The following SLC2A13 variants were observed in gnomAD, a reference collection of about 807,000 sequenced individuals.
The protein encoded by SLC2A13 is solute carrier family 2 member 13, also known as proton myo-inositol cotransporter.
SLC2A13 carries 32 observed loss-of-function variants against 64.4 expected under a neutral mutation model. The ratio of observed to expected loss-of-function variants is 0.50; its 90% CI spans 0.37 to 0.67. The LOEUF (loss-of-function observed/expected upper bound fraction) is 0.67. SLC2A13 is among the 30% of genes least tolerant of loss of function. The pLI, the probability that SLC2A13 is intolerant of heterozygous loss-of-function variation, is 0.00. For missense variants in SLC2A13, 743 were observed against 829.2 expected (o/e 0.90, Z 1.28); for synonymous variants, 338 against 327.1 (o/e 1.03, Z -0.36).
At chr12:39,922,635 T>C (rs1344656098) in intron 4 of SLC2A13, among the ~76,000 whole-genome samples, 3 of 152,204 alleles carry the variant, frequency 2.0e-5, no homozygotes, top group Non-Finnish European at 4.4e-5. Context: ...ACTTATACAA[T>C]ACAATGACTT....
intron 7 of SLC2A13, among the ~76,000 whole-genome samples, chr12:39,781,063 T>A (rs894743067): frequency 5.3e-5 from 8 of 152,220 alleles, no homozygotes; most frequent in Admixed American, 3.9e-4. Flanking sequence ...CATAATAGCT[T>A]CACAGATTAA....
At chr12:40,103,543 G>A (rs1939210454) in intron 1 of SLC2A13, among the ~76,000 whole-genome samples, 1 of 152,120 alleles carries the variant, frequency 6.6e-6, no homozygotes, top group Non-Finnish European at 1.5e-5. Context: ...CAATTCGCAG[G>A]TCAGATAAAA....
intron 6 of SLC2A13, among the ~76,000 whole-genome samples, chr12:39,832,847 A>T (rs948693868): frequency 5.3e-5 from 8 of 152,054 alleles, no homozygotes; most frequent in African/African-American, 1.7e-4. Flanking sequence ...GAATGCAAAC[A>T]TTTGCCTTAT....
chr12:40,088,440 C>CT (rs140320887), intron 1 of SLC2A13, among the ~76,000 whole-genome samples: 203 of 151,984 alleles, frequency 1.3e-3, no homozygotes, highest in Non-Finnish European at 1.6e-3. Context: ...TTCAAAAGAC[C>CT]TTTTTTTTAC....
Position 40,066,480 on chromosome 12 carries a change from T to C in SLC2A13, c.557-18270A>G, listed in dbSNP as rs17489365. The stretch of plus-strand genomic sequence containing the variant: ...AATAAATATTCACTAGGAAAAGATG[T>C]CCCACTATGTTCTAGAGGTAGAATT... On this transcript the variant is annotated intron_variant, in intron 1 of 9. Transcript: ENST00000280871. 2.9e-3 allele frequency among the ~76,000 whole-genome samples: 440 copies of C among 152,286 alleles called. 1 individual carries two copies. Among genetic ancestry groups the C allele is most frequent in the African/African-American group, 0.01 (428 of 41,572 alleles).
intron 3 of SLC2A13, among the ~76,000 whole-genome samples, chr12:39,972,029 A>ATATAAAT (rs1565569273): frequency 2.3e-5 from 2 of 88,340 alleles, no homozygotes; most frequent in Non-Finnish European, 4.9e-5. Flanking sequence ...TTTTTATATA[A>ATATAAAT]ATATATATAT....
In SLC2A13 at chr12:40,010,480, A is replaced by C. The variant is rs539057018; in HGVS notation, c.925+17821T>G. Among the ~76,000 whole-genome samples, 6 of 152,268 alleles carry C rather than the reference A, an allele frequency of 3.9e-5. No individual in the cohort carries two copies. The South Asian group carries it at 1.0e-3, about 26-fold the overall frequency. ...TGAGCCTGGATCAGCTGACTAAAGC[A>C]TTGTTTTTCTTGCAAAAACCACAGA... On this transcript the variant is annotated intron_variant, in intron 3 of 9. Coordinates refer to ENST00000280871, the MANE Select transcript of SLC2A13 (RefSeq NM_052885.4).
intron 1 of SLC2A13, among the ~76,000 whole-genome samples, chr12:40,074,284 G>C (rs1397335011): frequency 1.3e-5 from 2 of 151,206 alleles, no homozygotes; most frequent in Non-Finnish European, 2.9e-5. Context: ...TCCCACCTCA[G>C]CCTCCCAAGT....
At chr12:39,864,613 C>G (rs1592219129) in intron 6 of SLC2A13, 149 bp downstream of exon 6, 3 of 1,085,226 alleles carry the variant, frequency 2.8e-6, no homozygotes, top group Non-Finnish European at 2.6e-6. Flanking sequence ...AGGGGCCCCT[C>G]TCTACCACCT....
rs199620976 is a variant in SLC2A13, at chr12:39,760,005, A to G, written c.*21T>C. On this transcript the variant is annotated 3_prime_UTR_variant, in exon 10 of 10. Transcript: ENST00000280871. ...CTCCCCCCAGTTTGTTTAAATAACT[A>G]AATATATGAGCAGCTGAAAATTATT... 375 of 1,588,176 alleles carry G rather than the reference A, an allele frequency of 2.4e-4. No individual in the cohort carries two copies. The highest frequency in any genetic ancestry group is 3.1e-4 in the Non-Finnish European group (357 of 1,158,014).
chr12:40,082,287 C>T (rs560474661), intron 1 of SLC2A13, among the ~76,000 whole-genome samples: 1 of 152,246 alleles, frequency 6.6e-6, no homozygotes, highest in South Asian at 2.1e-4. Context: ...ACAGTAAATT[C>T]AGCCATACCT....
intron 4 of SLC2A13, among the ~76,000 whole-genome samples, chr12:39,883,287 T>C (rs1447988612): frequency 1.3e-5 from 2 of 152,176 alleles, no homozygotes; most frequent in African/African-American, 4.8e-5. Context: ...TGAATACGCC[T>C]CACCACCATC....
chr12:39,867,641 T>C (rs947370841), intron 5 of SLC2A13, among the ~76,000 whole-genome samples: 1 of 152,202 alleles, frequency 6.6e-6, no homozygotes, highest in Non-Finnish European at 1.5e-5. Context: ...TATAGAAAAT[T>C]CCTAAATAGG....
In SLC2A13 at chr12:40,105,924, C is replaced by A; in HGVS notation, c.-116G>T. The A allele has an allele frequency of 8.2e-7, 1 of 1,215,926 alleles. No individual in the cohort carries two copies. 75.3% of individuals were successfully genotyped at this position (1,215,926 alleles called of 1,614,324 possible). ...GCCGCTGCCGCCGCTTTCTTCCTCC[C>A]GGCTTCCGCTCCGGCTGCCACGGCA... is the stretch of plus-strand genomic sequence containing the variant. On this transcript the variant is annotated 5_prime_UTR_variant, in exon 1 of 10. Coordinates refer to ENST00000280871, the MANE Select transcript of SLC2A13 (RefSeq NM_052885.4). This position sits in a 1 kb window ranked among gnomAD's most constrained non-coding sequence, Gnocchi z 4.2.
intron 6 of SLC2A13, among the ~76,000 whole-genome samples, chr12:39,846,324 C>A (rs1362150264): frequency 6.6e-6 from 1 of 152,164 alleles, no homozygotes; most frequent in Admixed American, 6.6e-5. Context: ...AGGAGCATCA[C>A]ATTTTAATTG....
At chr12:39,818,913 G>A (rs574235924) in intron 7 of SLC2A13, among the ~76,000 whole-genome samples, 144 of 152,160 alleles carry the variant, frequency 9.5e-4, no homozygotes, top group Non-Finnish European at 1.7e-3. Context: ...GCAGAATTCC[G>A]ATTGCCTGTT....
chr12:40,092,091 G>C (rs1938788474), intron 1 of SLC2A13, among the ~76,000 whole-genome samples: 1 of 152,130 alleles, frequency 6.6e-6, no homozygotes, highest in African/African-American at 2.4e-5. Context: ...GGCAGTAATA[G>C]AGGTGTCATA....
intron 3 of SLC2A13, among the ~76,000 whole-genome samples, chr12:39,959,817 A>G (rs541124042): frequency 1.3e-5 from 2 of 152,218 alleles, no homozygotes; most frequent in Admixed American, 6.5e-5. Context: ...TTTTAAAAAA[A>G]TTTTATTTTA....
chr12:39,986,294 CA>C (rs1178335745), intron 3 of SLC2A13, among the ~76,000 whole-genome samples: 2 of 151,992 alleles, frequency 1.3e-5, no homozygotes, highest in African/African-American at 4.8e-5. Context: ...TGGACCATTG[CA>C]GAATTATTTT....
Sources: allele counts gnomAD v4.1 joint callset (sites outside exome capture counted in the v4.1 genomes callset), GRCh38; gene constraint gnomAD v4.1.1; non-coding constraint Gnocchi (gnomAD v3.1); transcripts MANE v1.5; gene names NCBI Gene and HGNC (gene_info 2026-07-23, HGNC 2026-07-21).